The following VWF variants were observed in gnomAD, a reference collection of about 807,000 sequenced individuals.
VWF encodes the protein von Willebrand factor.
Under a neutral mutation model 308.6 loss-of-function variants are expected in VWF, and 176 were observed. That is an observed-to-expected ratio of 0.57 (90% CI 0.50 to 0.65). VWF has a LOEUF of 0.65. VWF is among the 30% of genes least tolerant of loss of function. The pLI, the probability that VWF is intolerant of heterozygous loss-of-function variation, is 0.00. For missense variants in VWF, 3,146 were observed against 3,648.2 expected (o/e 0.86, Z 3.55); for synonymous variants, 1,385 against 1,443.4 (o/e 0.96, Z 0.92).
Position 6,083,595 on chromosome 12 carries a change from TG to T in VWF, c.658-8045del, listed in dbSNP as rs1944937921. Among the ~76,000 whole-genome samples the T allele has an allele frequency of 2.6e-5, 4 of 152,280 alleles. No homozygotes were observed. In the South Asian group the frequency reaches 8.3e-4, roughly 32 times the overall value. ...ACAAAAAAGAAAAGGAAAATTATCT[TG>T]CCTCTCTGCATCCTCATTTCCCTAC... On this transcript the variant is annotated intron_variant, in intron 6 of 51. Transcript: ENST00000261405.
rs1229338109 is a variant in VWF, at chr12:6,063,196, A to G, written c.1433-142T>C. ...TGACTTAGGGGCAGATGGGGTGGCC[A>G]TGAGGTTTAAGGGGGTGTCAGGAGG... On this transcript the variant is annotated intron_variant, in intron 12 of 51. Coordinates refer to ENST00000261405, the MANE Select transcript of VWF (RefSeq NM_000552.5). The surrounding 1 kb of genome is among the most constrained non-coding windows in gnomAD (Gnocchi z 4.9). 6.8e-6 allele frequency: 5 copies of G among 739,138 alleles called. No homozygotes were observed. The highest frequency in any genetic ancestry group is 9.4e-6 in the Non-Finnish European group (4 of 426,262). 45.8% of individuals were successfully genotyped at this position (739,138 alleles called of 1,614,324 possible). A position where few individuals can be genotyped will look rare whatever the true frequency, so the allele number is the denominator to read the frequency against.
intron 46 of VWF, 71 bp from the exon 47 acceptor site, chr12:5,967,673 C>G (rs1056326645): frequency 5.1e-6 from 7 of 1,371,786 alleles, no homozygotes; most frequent in Admixed American, 1.7e-5. Context: ...CTCTCATACC[C>G]TGTCTCCTGC....
chr12:6,092,618 A>AGAGAGAGAGAGAGAGAGTGTGT (rs1301391895), intron 6 of VWF, among the ~76,000 whole-genome samples: 2 of 66,150 alleles, frequency 3.0e-5, no homozygotes, highest in Non-Finnish European at 5.8e-5. Flanking sequence ...AGTGAGTGAG[A>AGAGAGAGAGAGAGAGAGTGTGT]GTGTGTGTGT....
At position 6,062,968 on chromosome 12, in the gene VWF, T is replaced by C. The variant is rs189409574; in HGVS notation, c.1519A>G (p.Arg507Gly). Residue 507 changes from arginine (R) to glycine (G), a missense_variant, in exon 13 of 52, where the codon AGG (arginine) becomes GGG (glycine). Around this residue, in one of 3 missense-constraint regions of VWF, gnomAD observed 1,304 missense variants for 1,353.0 expected, o/e 0.96. Coordinates refer to ENST00000261405, the MANE Select transcript of VWF (RefSeq NM_000552.5). The stretch of plus-strand genomic sequence containing the variant: ...AGGGCACCTACCTTCACCAGCAGCC[T>C]CCCGCGGCCATCCCAGTCCATCTGC... Reference protein sequence around the residue: ...DLQMDWDGRGRLLVKLSPVYA... With the variant: ...DLQMDWDGRGGLLVKLSPVYA... 430 of 1,612,736 alleles carry C rather than the reference T, an allele frequency of 2.7e-4. 3 individuals carry two copies. The East Asian group carries it at 8.1e-3, about 31-fold the overall frequency.
At chr12:6,082,567 G>A (rs1393511659) in intron 6 of VWF, among the ~76,000 whole-genome samples, 1 of 152,228 alleles carries the variant, frequency 6.6e-6, no homozygotes, top group African/African-American at 2.4e-5. Flanking sequence ...AACTGGAGAT[G>A]TAAACACACT....
chr12:5,961,197 T>C (rs908581447), intron 47 of VWF, among the ~76,000 whole-genome samples: 2 of 152,208 alleles, frequency 1.3e-5, no homozygotes, highest in African/African-American at 4.8e-5. Flanking sequence ...ATGGGAGTTA[T>C]ATAATTATTT....
intron 23 of VWF, 39 bp from the exon 24 acceptor site, chr12:6,025,732 T>C (rs759093120): frequency 2.2e-6 from 3 of 1,353,644 alleles, no homozygotes; most frequent in Non-Finnish European, 3.2e-6. Context: ...CGTCAGCTGG[T>C]CAAACTGGGG....
chr12:6,086,106 G>A (rs1259485032), intron 6 of VWF, among the ~76,000 whole-genome samples: 1 of 152,142 alleles, frequency 6.6e-6, no homozygotes, highest in Non-Finnish European at 1.5e-5. Context: ...TCCATGGGGG[G>A]TTCCGTGGAG....
intron 3 of VWF, among the ~76,000 whole-genome samples, chr12:6,118,073 C>T (rs1165157645): frequency 6.6e-6 from 1 of 152,116 alleles, no homozygotes; most frequent in East Asian, 1.9e-4. Flanking sequence ...CGAGACAGCC[C>T]AGAGGCACCA....
intron 5 of VWF, among the ~76,000 whole-genome samples, chr12:6,109,521 T>G (rs2136520763): frequency 6.6e-6 from 1 of 152,354 alleles, no homozygotes; most frequent in South Asian, 2.1e-4. Flanking sequence ...ATGTTTACTC[T>G]CTAATCAGAA....
intron 38 of VWF, among the ~76,000 whole-genome samples, chr12:5,985,939 A>G (rs1297868407): frequency 2.0e-5 from 3 of 152,364 alleles, no homozygotes; most frequent in East Asian, 3.9e-4. Context: ...GCAAAGAAAG[A>G]AAAATGAGAG....
intron 15 of VWF, among the ~76,000 whole-genome samples, chr12:6,056,184 G>A (rs1944576501): frequency 7.2e-6 from 1 of 139,176 alleles, no homozygotes; most frequent in Non-Finnish European, 1.6e-5. Flanking sequence ...ATTTCCATCT[G>A]TGACTCTAAC....
chr12:6,091,838 A>G (rs531594161), intron 6 of VWF, among the ~76,000 whole-genome samples: 136 of 152,330 alleles, frequency 8.9e-4, no homozygotes, highest in African/African-American at 3.1e-3. Flanking sequence ...CAGGAAAGGG[A>G]GGGAGCCAGG....
At chr12:6,012,390 G>A (rs1367503824) in intron 32 of VWF, among the ~76,000 whole-genome samples, 1 of 152,262 alleles carries the variant, frequency 6.6e-6, no homozygotes, top group Non-Finnish European at 1.5e-5. Context: ...AGCTTACGCT[G>A]TCATTATCTT....
At chr12:6,092,024 G>C (rs1465598144) in intron 6 of VWF, among the ~76,000 whole-genome samples, 5 of 152,168 alleles carry the variant, frequency 3.3e-5, no homozygotes. Flanking sequence ...CTGCAGAGTG[G>C]CCCATGCCCA....
Position 6,075,387 on chromosome 12 carries a change from G to A in VWF, c.822C>T (p.Thr274=). The A allele has an allele frequency of 6.2e-7, 1 of 1,614,104 alleles. No individual in the cohort carries two copies. The highest frequency in any genetic ancestry group is 8.5e-7 in the Non-Finnish European group (1 of 1,180,012). Residue 274 remains threonine (T), a synonymous_variant, in exon 7 of 52, where the codon ACC becomes ACT. Coordinates refer to ENST00000261405, the MANE Select transcript of VWF (RefSeq NM_000552.5). This position sits in a 1 kb window ranked among gnomAD's most constrained non-coding sequence, Gnocchi z 4.7. The part of the protein sequence containing the change: ...ACPALLEYAR[T]CAQEGMVLYG... ...ACAGCACCATTCCCTCCTGGGCACA[G>A]GTCCGGGCGTACTCCAGGAGGGCAG...
rs537819065 is a variant in VWF at position 6,108,368 on chromosome 12, A to C, written c.532+2006T>G. On this transcript the variant is annotated intron_variant, in intron 5 of 51. Coordinates refer to ENST00000261405, the MANE Select transcript of VWF (RefSeq NM_000552.5). ...ACACACACACACACACACACACACAAAGCAAAATTTGACAGAATTACATGA... is the reference window on the plus strand; with the variant it reads ...ACACACACACACACACACACACACACAGCAAAATTTGACAGAATTACATGA... Among the ~76,000 whole-genome samples, 711 of 92,488 alleles carry C rather than the reference A, an allele frequency of 7.7e-3. 2 individuals are homozygous for C. The highest frequency in any genetic ancestry group is 0.018 in the African/African-American group (556 of 31,460). The allele number at this position is 92,488 out of a possible 152,430, so 60.7% of individuals were successfully genotyped here. A position where few individuals can be genotyped will look rare whatever the true frequency, so the allele number is the denominator to read the frequency against.
intron 43 of VWF, 50 bp from the exon 44 acceptor site, chr12:5,971,759 A>G (rs1943479304): frequency 6.6e-7 from 1 of 1,513,634 alleles, no homozygotes; most frequent in Non-Finnish European, 9.2e-7. Context: ...GCAAAGACAC[A>G]GGGGCTCTTA....
intron 3 of VWF, among the ~76,000 whole-genome samples, chr12:6,117,587 G>A (rs529925994): frequency 4.6e-4 from 70 of 152,298 alleles, no homozygotes; most frequent in Middle Eastern, 3.4e-3. Flanking sequence ...AGGCCGAGGC[G>A]GGCGGATCAC....
Sources: gnomAD v4.1 joint callset for allele counts (sites outside exome capture counted in the v4.1 genomes callset) on GRCh38, gnomAD v4.1.1 for gene constraint, gnomAD v4.1.1 regional missense constraint, Gnocchi (gnomAD v3.1) non-coding constraint, MANE v1.5 for transcripts, NCBI Gene and HGNC (gene_info 2026-07-23, HGNC 2026-07-21) for gene names.